DCC: variants seen among roughly 807,000 people sequenced by gnomAD.
The protein encoded by DCC is netrin receptor DCC.
DCC carries 58 observed loss-of-function variants against 172.5 expected under a neutral mutation model. That is an observed-to-expected ratio of 0.34 (90% CI 0.27 to 0.42). The LOEUF is 0.42. DCC is among the 10% of genes least tolerant of loss of function. The pLI is 1.00. For synonymous variants in DCC, 709 were observed against 644.5 expected, an observed-to-expected ratio of 1.10 and a Z score of -1.52; for missense variants, 1,740 against 1,791.0, an observed-to-expected ratio of 0.97 and a Z score of 0.51.
At chr18:52,433,325 A>C (rs1987685508) in intron 1 of DCC, among the ~76,000 whole-genome samples, 1 of 152,186 alleles carries the variant, frequency 6.6e-6, no homozygotes, top group Admixed American at 6.6e-5. Context: ...CATTGCTTTC[A>C]TATCCATTCG....
intron 15 of DCC, among the ~76,000 whole-genome samples, chr18:53,378,568 A>G (rs1907483160): frequency 6.6e-6 from 1 of 152,200 alleles, no homozygotes; most frequent in Non-Finnish European, 1.5e-5. Context: ...CCATGATCAA[A>G]TTGATTAGGG....
At position 53,497,014 on chromosome 18, in the gene DCC, T is replaced by A. The variant is rs576114922; in HGVS notation, c.3899-2284T>A. ...CCAGTGTTTAAAATGTAATGTGCATTAATTGCAATCCATATTCAATAGAGA... is the reference window on the plus strand; with the variant it reads ...CCAGTGTTTAAAATGTAATGTGCATAAATTGCAATCCATATTCAATAGAGA... On this transcript the variant is annotated intron_variant, in intron 26 of 28. Transcript: ENST00000442544. Among the ~76,000 whole-genome samples, 10 of 152,370 alleles carry A rather than the reference T, an allele frequency of 6.6e-5. No individual in the cohort carries two copies. In the South Asian group the frequency reaches 2.1e-3, roughly 32 times the overall value.
chr18:52,862,709 T>C (rs545322476), intron 2 of DCC, among the ~76,000 whole-genome samples: 1 of 151,888 alleles, frequency 6.6e-6, no homozygotes, highest in South Asian at 2.1e-4. Context: ...CAAAAAAATA[T>C]ATAACTAAAA....
At chr18:53,127,577 A>G (rs1226409036) in intron 7 of DCC, among the ~76,000 whole-genome samples, 1 of 152,058 alleles carries the variant, frequency 6.6e-6, no homozygotes, top group Non-Finnish European at 1.5e-5. Context: ...TGGTTTTATA[A>G]TTTGCATCAT....
chr18:52,796,134 G>A (rs1322677132), intron 2 of DCC, among the ~76,000 whole-genome samples: 10 of 146,812 alleles, frequency 6.8e-5, no homozygotes, highest in Middle Eastern at 3.5e-3. Flanking sequence ...AATCTATATC[G>A]GTCTTTATAG....
intron 25 of DCC, among the ~76,000 whole-genome samples, chr18:53,480,112 A>C (rs1232542460): frequency 1.3e-5 from 2 of 152,198 alleles, no homozygotes; most frequent in Non-Finnish European, 2.9e-5. Flanking sequence ...CAACTATTTC[A>C]TATATCTGGG....
At chr18:53,280,362 G>C (rs1387238348) in intron 12 of DCC, among the ~76,000 whole-genome samples, 1 of 151,996 alleles carries the variant, frequency 6.6e-6, no homozygotes, top group Non-Finnish European at 1.5e-5. Context: ...TGTTGATGTT[G>C]ATTTTTTTGG....
At chr18:53,185,923 G>C (rs2055274677) in intron 9 of DCC, among the ~76,000 whole-genome samples, 1 of 152,190 alleles carries the variant, frequency 6.6e-6, no homozygotes, top group Non-Finnish European at 1.5e-5. Flanking sequence ...AAGATATGCT[G>C]TTTATTTACT....
At chr18:53,422,596 T>C (rs1910692568) in intron 21 of DCC, among the ~76,000 whole-genome samples, 1 of 152,182 alleles carries the variant, frequency 6.6e-6, no homozygotes, top group African/African-American at 2.4e-5. Context: ...TCAGGCAAAG[T>C]ACTTAACACT....
intron 1 of DCC, among the ~76,000 whole-genome samples, chr18:52,715,051 G>A (rs2036355620): frequency 6.6e-6 from 1 of 152,032 alleles, no homozygotes; most frequent in African/African-American, 2.4e-5. Flanking sequence ...TAGGAGTACT[G>A]GATTCTAGCC....
At chr18:52,966,558 G>T (rs955747951) in intron 5 of DCC, among the ~76,000 whole-genome samples, 3 of 152,096 alleles carry the variant, frequency 2.0e-5, no homozygotes, top group Non-Finnish European at 4.4e-5. Context: ...CCAATCGGAG[G>T]CACCAACAGG....
chr18:52,983,614 G>GT (rs1277689371), intron 5 of DCC, among the ~76,000 whole-genome samples: 1 of 152,100 alleles, frequency 6.6e-6, no homozygotes, highest in Admixed American at 6.6e-5. Flanking sequence ...TTATCTGAAT[G>GT]TTTGTAACTA....
chr18:52,817,603 T>C (rs1039673734), intron 2 of DCC, among the ~76,000 whole-genome samples: 5 of 152,164 alleles, frequency 3.3e-5, no homozygotes, highest in Non-Finnish European at 7.4e-5. Flanking sequence ...CTTTCTAATA[T>C]ATATTTTCAT....
chr18:52,494,355 C>T (rs941344354), intron 1 of DCC, among the ~76,000 whole-genome samples: 1 of 151,216 alleles, frequency 6.6e-6, no homozygotes, highest in Non-Finnish European at 1.5e-5. Context: ...CTTAGATTCT[C>T]GGATGTGAGA....
chr18:52,578,459 T>G (rs2033468309), intron 1 of DCC, among the ~76,000 whole-genome samples: 1 of 152,328 alleles, frequency 6.6e-6, no homozygotes, highest in South Asian at 2.1e-4. Flanking sequence ...TGATAGACAT[T>G]TAGGTGTTGT....
At chr18:52,424,594 G>C (rs1568164206) in intron 1 of DCC, among the ~76,000 whole-genome samples, 1 of 152,162 alleles carries the variant, frequency 6.6e-6, no homozygotes, top group Non-Finnish European at 1.5e-5. Context: ...GTTAGTGGTA[G>C]AGCTAAATCA....
Position 53,177,468 on chromosome 18 carries a change from A to C in DCC, c.1419-1494A>C, listed in dbSNP as rs546761379. ...AAAATGATGGTAACCCGTATAACAA[A>C]TAAGCCCTAAAATATATAATGGCTC... On this transcript the variant is annotated intron_variant, in intron 8 of 28. Coordinates refer to ENST00000442544, the MANE Select transcript of DCC (RefSeq NM_005215.4). Among the ~76,000 whole-genome samples the C allele has an allele frequency of 1.3e-5, 2 of 152,348 alleles. 1 individual carries two copies. The highest frequency in any genetic ancestry group is 4.1e-4 in the South Asian group (2 of 4,834).
chr18:53,392,190 G>T (rs775320509), intron 17 of DCC, among the ~76,000 whole-genome samples: 2 of 151,480 alleles, frequency 1.3e-5, no homozygotes, highest in Non-Finnish European at 2.9e-5. Context: ...CTTTAAAATA[G>T]CAGAGATCTA....
At chr18:53,508,437 C>T (rs1196918152) in intron 27 of DCC, among the ~76,000 whole-genome samples, 5 of 151,948 alleles carry the variant, frequency 3.3e-5, no homozygotes, top group African/African-American at 1.2e-4. Flanking sequence ...AAGTGATTTA[C>T]CCACCTCACT....
Sources: gnomAD v4.1 joint callset for allele counts (sites outside exome capture counted in the v4.1 genomes callset) on GRCh38, gnomAD v4.1.1 for gene constraint, MANE v1.5 for transcripts, NCBI Gene and HGNC (gene_info 2026-07-23, HGNC 2026-07-21) for gene names.